Variants in SYT7 observed in about 807,000 individuals in gnomAD.
SYT7 encodes the protein synaptotagmin-7.
Under a neutral mutation model 75.1 loss-of-function variants are expected in SYT7, and 29 were observed. The ratio of observed to expected loss-of-function variants is 0.39; its 90% CI spans 0.29 to 0.53. The LOEUF (loss-of-function observed/expected upper bound fraction) is 0.53, where lower values mean the gene tolerates loss of function less well. Ranked by LOEUF, SYT7 falls within the 20% of genes least tolerant of loss-of-function variation. SYT7 has a pLI of 0.77. For missense variants in SYT7, 693 were observed against 953.2 expected, an observed-to-expected ratio of 0.73 and a Z score of 3.59; for synonymous variants, 376 against 401.7, an observed-to-expected ratio of 0.94 and a Z score of 0.76.
chr11:61,534,427 ACACACACGCACACGCACG>A (rs1241453452), intron 7 of SYT7, among the ~76,000 whole-genome samples: 2 of 83,172 alleles, frequency 2.4e-5, no homozygotes, highest in Non-Finnish European at 4.3e-5. Context: ...ACATGCGCAT[ACACACACGCACACGCACG>A]CACACACGCA....
rs1202295344 is a variant in SYT7, at chr11:61,576,307, G to A, written c.31+4483C>T. ...GAATTCACCTGGCATCACCAGCTGG[G>A]GTTCCCTGGCAAGGCAGGCAGGCAC... On this transcript the variant is annotated intron_variant, in intron 1 of 12. Coordinates refer to ENST00000539008, the MANE Select transcript of SYT7 (RefSeq NM_001365809.2). This position sits in a 1 kb window ranked among gnomAD's most constrained non-coding sequence, Gnocchi z 4.1. Among the ~76,000 whole-genome samples, 3 of 152,236 alleles carry A rather than the reference G, an allele frequency of 2.0e-5. No homozygotes were observed. The highest frequency in any genetic ancestry group is 7.2e-5 in the African/African-American group (3 of 41,468).
At chr11:61,533,289 G>A (rs2062766831) in intron 7 of SYT7, 165 bp from the exon 8 acceptor site, 1 of 985,442 alleles carries the variant, frequency 1.0e-6, no homozygotes, top group Non-Finnish European at 1.2e-6. Flanking sequence ...GTTTTCCCTG[G>A]AGACCCATGC....
chr11:61,585,468 C>T (rs900677820), upstream of SYT7, among the ~76,000 whole-genome samples: 7 of 152,124 alleles, frequency 4.6e-5, no homozygotes, highest in Non-Finnish European at 8.8e-5. Context: ...TGGTGGTGAC[C>T]GGCCAGGAGT....
At chr11:61,528,885 A>G (rs1270626868) in intron 8 of SYT7, among the ~76,000 whole-genome samples, 1 of 152,142 alleles carries the variant, frequency 6.6e-6, no homozygotes, top group Non-Finnish European at 1.5e-5. Context: ...TGTACCGTCC[A>G]TGGGGGCTGA....
At position 61,576,064 on chromosome 11, in the gene SYT7, C is replaced by A. The variant is rs2064066534; in HGVS notation, c.31+4726G>T. On this transcript the variant is annotated intron_variant, in intron 1 of 12. Transcript: ENST00000539008. The surrounding 1 kb of genome is among the most constrained non-coding windows in gnomAD (Gnocchi z 4.1). ...GAGCAGGCCGGATGCACCTGCCCGC[C>A]TTCCAACCAACTGGACCTGGAATTC... Among the ~76,000 whole-genome samples the A allele has an allele frequency of 6.6e-6, 1 of 152,342 alleles. No individual in the cohort carries two copies. The highest frequency in any genetic ancestry group is 2.4e-5 in the African/African-American group (1 of 41,574).
intron 1 of SYT7, among the ~76,000 whole-genome samples, chr11:61,567,977 C>T (rs2063819586): frequency 6.6e-6 from 1 of 152,264 alleles, no homozygotes; most frequent in South Asian, 2.1e-4. Context: ...TTCCTGCTCC[C>T]TCCTCCAAGG....
intron 8 of SYT7, among the ~76,000 whole-genome samples, chr11:61,529,156 C>T (rs1296205318): frequency 6.6e-6 from 1 of 152,104 alleles, no homozygotes; most frequent in Non-Finnish European, 1.5e-5. Flanking sequence ...GGTACCCTGG[C>T]TCGAAAATCT....
chr11:61,584,602 C>T (rs544313507), upstream of SYT7, among the ~76,000 whole-genome samples: 42 of 152,282 alleles, frequency 2.8e-4, no homozygotes, highest in East Asian at 4.4e-3. Context: ...GCTAATCTCT[C>T]CTGCTGGAAT....
chr11:61,572,125 G>GT (rs1445751787), intron 1 of SYT7, among the ~76,000 whole-genome samples: 1 of 152,118 alleles, frequency 6.6e-6, no homozygotes, highest in African/African-American at 2.4e-5. Flanking sequence ...TTGGGGGGGG[G>GT]GCACACAGAC....
chr11:61,535,316 G>A (rs1431717020), intron 7 of SYT7, among the ~76,000 whole-genome samples: 5 of 152,234 alleles, frequency 3.3e-5, no homozygotes, highest in African/African-American at 9.6e-5. Context: ...GACACACACC[G>A]TGACAGAGGA....
At position 61,551,862 on chromosome 11, in the gene SYT7, G is replaced by A. The variant is rs1481814477; in HGVS notation, c.136-399C>T. 1.3e-5 allele frequency among the ~76,000 whole-genome samples: 2 copies of A among 152,160 alleles called. No individual in the cohort carries two copies. Among genetic ancestry groups the A allele is most frequent in the Non-Finnish European group, 2.9e-5 (2 of 68,022 alleles). On this transcript the variant is annotated intron_variant, in intron 2 of 12. Coordinates refer to ENST00000539008, the MANE Select transcript of SYT7 (RefSeq NM_001365809.2). The surrounding 1 kb of genome is among the most constrained non-coding windows in gnomAD (Gnocchi z 5.3). The stretch of plus-strand genomic sequence containing the variant: ...GTCACCGCCCCCAGATGGTGGGGGT[G>A]GCATCCTGCAGGGCAAGGTTGGCAG...
chr11:61,566,729 C>T (rs991025493), intron 1 of SYT7, among the ~76,000 whole-genome samples: 6 of 152,212 alleles, frequency 3.9e-5, no homozygotes, highest in Non-Finnish European at 7.3e-5. Flanking sequence ...CCACTAGTTA[C>T]TCCTATGAAT....
At chr11:61,531,031 T>G (rs1045384571) in intron 8 of SYT7, 6 of 985,330 alleles carry the variant, frequency 6.1e-6, no homozygotes. Context: ...CCTCAGCTCC[T>G]TCTTTGGCCA....
intron 1 of SYT7, among the ~76,000 whole-genome samples, chr11:61,569,942 C>T (rs552037021): frequency 3.3e-4 from 50 of 152,334 alleles, no homozygotes; most frequent in South Asian, 2.5e-3. Context: ...GGCCACCAGC[C>T]GGCTCAGGCC....
chr11:61,545,368 C>T (rs1231765515), intron 5 of SYT7, among the ~76,000 whole-genome samples: 2 of 152,212 alleles, frequency 1.3e-5, no homozygotes, highest in African/African-American at 4.8e-5. Context: ...ATACACGGTC[C>T]CAACAGCCAG....
At chr11:61,521,394 A>G (rs1033214221) in intron 12 of SYT7, among the ~76,000 whole-genome samples, 4 of 152,074 alleles carry the variant, frequency 2.6e-5, no homozygotes, top group Admixed American at 1.3e-4. Flanking sequence ...ATCAAAGGAG[A>G]TATGGTCACT....
At chr11:61,544,002 C>A (rs1382938082) in intron 5 of SYT7, among the ~76,000 whole-genome samples, 2 of 152,202 alleles carry the variant, frequency 1.3e-5, no homozygotes, top group African/African-American at 2.4e-5. Flanking sequence ...ATCTAGCCTG[C>A]TGCTTGTCTC....
intron 1 of SYT7, among the ~76,000 whole-genome samples, chr11:61,563,813 GT>G (rs1008042019): frequency 6.6e-6 from 1 of 152,122 alleles, no homozygotes; most frequent in African/African-American, 2.4e-5. Flanking sequence ...ACTATTTTGG[GT>G]TAATAATTAG....
At chr11:61,531,818 C>T (rs545735521) in intron 8 of SYT7, among the ~76,000 whole-genome samples, 51 of 137,010 alleles carry the variant, frequency 3.7e-4, no homozygotes, top group Admixed American at 1.5e-3. Context: ...CACTTGAGCT[C>T]GGGAGGCAGA....
Sources: gnomAD v4.1 joint callset for allele counts (sites outside exome capture counted in the v4.1 genomes callset) on GRCh38, gnomAD v4.1.1 for gene constraint, Gnocchi (gnomAD v3.1) non-coding constraint, MANE v1.5 for transcripts, NCBI Gene and HGNC (gene_info 2026-07-23, HGNC 2026-07-21) for gene names.